The following HLA-F variants were observed in gnomAD, a reference collection of about 807,000 sequenced individuals.
HLA-F encodes major histocompatibility complex, class I, F.
Under a neutral mutation model 49.5 loss-of-function variants are expected in HLA-F, and 46 were observed. The ratio of observed to expected loss-of-function variants is 0.93; its 90% CI spans 0.73 to 1.19. The LOEUF is 1.19. HLA-F is among the 50% of genes most tolerant of loss of function. HLA-F has a pLI of 0.00. For synonymous variants in HLA-F, 203 were observed against 233.5 expected (o/e 0.87, Z 1.19); for missense variants, 496 against 579.6 (o/e 0.86, Z 1.48).
intron 3 of HLA-F, 122 bp from the exon 4 acceptor site, chr6:29,724,909 T>G: frequency 9.0e-7 from 1 of 1,111,688 alleles, no homozygotes; most frequent in Non-Finnish European, 1.3e-6. Context: ...CAGGCTGGTG[T>G]CTGGGTTCTG....
In HLA-F at chr6:29,727,257, CATT is replaced by C; in HGVS notation, c.*85_*87del. On this transcript the variant is annotated 3_prime_UTR_variant, in exon 7 of 7. Transcript: ENST00000259951. ...CACACCTCCTAAGAATAAGAACCAA[CATT>C]ATCACACCAAAGAAAATAAATAATT... The C allele has an allele frequency of 1.3e-6, 1 of 796,044 alleles. No individual in the cohort carries two copies. Among genetic ancestry groups the C allele is most frequent in the Non-Finnish European group, 2.0e-6 (1 of 502,938 alleles). 49.3% of individuals were successfully genotyped at this position (796,044 alleles called of 1,614,324 possible).
In HLA-F at chr6:29,726,888, T is replaced by A; in HGVS notation, c.1042T>A (p.Ser348Thr). 2 of 1,603,022 alleles carry A rather than the reference T, an allele frequency of 1.2e-6. No individual in the cohort carries two copies. Among genetic ancestry groups the A allele is most frequent in the Non-Finnish European group, 1.7e-6 (2 of 1,179,774 alleles). Residue 348 changes from serine (S) to threonine (T), a missense_variant, in exon 7 of 7, where the codon TCA (serine) becomes ACA (threonine). Physicochemically the swap from Ser to Thr is moderately conservative, Grantham distance 58. Transcript: ENST00000259951. ...GTTTTCTATCTTCTTCACAGCCTAC[T>A]CAGTGGTCAGCGGAAACTTGATGAT... ...RGSYSQAAAY[S>T]VVSGNLMITW...
At chr6:29,737,710 C>T (rs1777239844) in intron 3 of HLA-F, 1 of 152,196 alleles carries the variant, frequency 6.6e-6, no homozygotes, top group Non-Finnish European at 1.5e-5. Context: ...TAGTATGTGA[C>T]ATATGGTTCT....
rs773661638 is a variant in HLA-F, at chr6:29,723,729, G to A, written c.136G>A (p.Val46Met). 9.9e-6 allele frequency: 16 copies of A among 1,611,938 alleles called. No homozygotes were observed. In the African/African-American group the frequency reaches 1.5e-4, roughly 15 times the overall value. The change falls in exon 2 of 7, where the codon GTG (valine) becomes ATG (methionine). Residue 46 changes from valine to methionine, a missense_variant. By Grantham distance (21) the Val-to-Met change is conservative (BLOSUM62 1). Transcript: ENST00000259951. ...PGRGEPRYIAVEYVDDTQFLR... is the reference protein window; with the variant it reads ...PGRGEPRYIAMEYVDDTQFLR... ...CCGCGGGGAGCCCCGCTACATCGCC[G>A]TGGAGTACGTAGACGACACGCAATT...
rs9278276 is a variant in HLA-F, at chr6:29,726,559, A to ATGTG, written c.1037-303_1037-300dup. 5,515 of 1,349,316 alleles carry ATGTG rather than the reference A, an allele frequency of 4.1e-3. 8 individuals are homozygous for ATGTG. The highest frequency in any genetic ancestry group is 0.022 in the East Asian group (855 of 39,338). 83.6% of individuals were successfully genotyped at this position (1,349,316 alleles called of 1,614,324 possible). ...ATATGTTTTTATAGCATGCACGTAA[A>ATGTG]TGTGTGTGTGTGTGTGTGTGTGTGA... On this transcript the variant is annotated intron_variant, in intron 6 of 6. Transcript: ENST00000259951.
intron 4 of HLA-F, 28 bp from the exon 5 acceptor site, chr6:29,725,419 G>A (rs757618030): frequency 1.9e-6 from 3 of 1,610,922 alleles, no homozygotes; most frequent in Admixed American, 1.7e-5. Flanking sequence ...TGGAGATCAG[G>A]GCCCCTCACC....
chr6:29,723,994 CT>C, intron 2 of HLA-F, 67 bp downstream of exon 2: 3 of 1,556,644 alleles, frequency 1.9e-6, no homozygotes, highest in Non-Finnish European at 2.6e-6. Context: ...GCCCGGGTCC[CT>C]CAGAGTCTCC....
chr6:29,731,319 T>C (rs1329547186), downstream of HLA-F, among the ~76,000 whole-genome samples: 1 of 152,022 alleles, frequency 6.6e-6, no homozygotes, highest in Non-Finnish European at 1.5e-5. Context: ...CTCACATAGT[T>C]ATGGAGGCTG....
downstream of HLA-F, chr6:29,728,116 C>G (rs750369622): frequency 1.9e-6 from 1 of 517,548 alleles, no homozygotes. Flanking sequence ...ACCAGGGATG[C>G]TGAACATCCT....
At chr6:29,733,195 AAAAACG>A (rs1029574879) in intron 3 of HLA-F, among the ~76,000 whole-genome samples, 15 of 152,104 alleles carry the variant, frequency 9.9e-5, no homozygotes, top group Admixed American at 6.6e-4. Context: ...TTTCAGAAAC[AAAAACG>A]AAAACAAAAA....
At chr6:29,724,996 A>C (rs775220152) in intron 3 of HLA-F, 35 bp from the exon 4 acceptor site, 67 of 1,601,052 alleles carry the variant, frequency 4.2e-5, no homozygotes, top group Non-Finnish European at 5.5e-5. Context: ...TCCCATGAGG[A>C]GTGCAAAGTG....
downstream of HLA-F, among the ~76,000 whole-genome samples, chr6:29,730,733 C>T (rs1388532339): frequency 3.3e-5 from 5 of 152,136 alleles, no homozygotes; most frequent in African/African-American, 1.2e-4. Context: ...CAGAGTGAGC[C>T]TCTCAAACGA....
At chr6:29,724,076 T>C in intron 2 of HLA-F, 97 bp from the exon 3 acceptor site, 1 of 1,559,422 alleles carries the variant, frequency 6.4e-7, no homozygotes, top group Non-Finnish European at 8.7e-7. Context: ...CAGGCGCCTT[T>C]ACCCAGGTTC....
At chr6:29,729,746 T>C (rs1441670087), downstream of HLA-F, among the ~76,000 whole-genome samples, 1 of 152,202 alleles carries the variant, frequency 6.6e-6, no homozygotes, top group Non-Finnish European at 1.5e-5. Flanking sequence ...GCCAATTATA[T>C]ACCTGATAAA....
At chr6:29,726,274 G>C (rs772833668) in intron 6 of HLA-F, 5 of 1,061,060 alleles carry the variant, frequency 4.7e-6, no homozygotes, top group Non-Finnish European at 7.4e-6. Context: ...TGTTGGGGGG[G>C]AACAGAGGGG....
rs1459492729 is a variant in HLA-F, at chr6:29,723,704, C to T, written c.111C>T (p.Gly37=). Residue 37 remains glycine, a synonymous_variant, in exon 2 of 7, where the codon GGC becomes GGT. Transcript: ENST00000259951. The part of the protein sequence containing the change: ...RYFSTAVSRP[G]RGEPRYIAVE... ...TCAGCACCGCTGTGTCGCGGCCCGG[C>T]CGCGGGGAGCCCCGCTACATCGCCG... 1 of 1,611,538 alleles carries T rather than the reference C, an allele frequency of 6.2e-7. No individual in the cohort carries two copies. The highest frequency in any genetic ancestry group is 8.5e-7 in the Non-Finnish European group (1 of 1,179,618).
chr6:29,730,971 G>T (rs1321123396), downstream of HLA-F, among the ~76,000 whole-genome samples: 1 of 150,504 alleles, frequency 6.6e-6, no homozygotes, highest in African/African-American at 2.5e-5. Context: ...CCTGCTCCCC[G>T]GGGGTCCACA....
chr6:29,733,208 A>AAAACAT (rs1776777173), intron 3 of HLA-F, among the ~76,000 whole-genome samples: 1 of 152,094 alleles, frequency 6.6e-6, no homozygotes. Flanking sequence ...AACGAAAACA[A>AAAACAT]AAACAAACCA....
At position 29,726,873 on chromosome 6, in the gene HLA-F, T is replaced by C; in HGVS notation, c.1037-10T>C. ...CACAAGTAGGCTGTTGTTTTCTATCTTCTTCACAGCCTACTCAGTGGTCAG... is the reference window on the plus strand; with the variant it reads ...CACAAGTAGGCTGTTGTTTTCTATCCTCTTCACAGCCTACTCAGTGGTCAG... On this transcript the variant is annotated splice_polypyrimidine_tract_variant and intron_variant, in intron 6 of 6. Transcript: ENST00000259951. The C allele has an allele frequency of 1.9e-6, 3 of 1,601,220 alleles. No homozygotes were observed. The highest frequency in any genetic ancestry group is 2.5e-6 in the Non-Finnish European group (3 of 1,179,646).
Sources: allele counts gnomAD v4.1 joint callset (sites outside exome capture counted in the v4.1 genomes callset), GRCh38; gene constraint gnomAD v4.1.1; transcripts MANE v1.5; gene names NCBI Gene and HGNC (gene_info 2026-07-23, HGNC 2026-07-21).